The following GSN variants were observed in gnomAD, a reference collection of about 807,000 sequenced individuals.
GSN encodes actin-depolymerizing factor.
Under a neutral mutation model 85.7 loss-of-function variants are expected in GSN, and 56 were observed. The ratio of observed to expected loss-of-function variants is 0.65; its 90% CI spans 0.53 to 0.82. The LOEUF (loss-of-function observed/expected upper bound fraction) is 0.82, where lower values mean the gene tolerates loss of function less well. Among genes scored for constraint, GSN ranks in the 40% least tolerant of loss-of-function variants. GSN has a pLI of 0.00. For synonymous variants in GSN, 373 were observed against 399.1 expected, an observed-to-expected ratio of 0.93 and a Z score of 0.78; for missense variants, 857 against 979.8, an observed-to-expected ratio of 0.87 and a Z score of 1.67.
In GSN at chr9:121,289,402, T is replaced by A. The variant is rs113334376; in HGVS notation, c.-10+7840T>A. 6.4e-3 allele frequency among the ~76,000 whole-genome samples: 976 copies of A among 152,176 alleles called. 7 individuals carry two copies. The highest frequency in any genetic ancestry group is 0.011 in the Non-Finnish European group (757 of 67,994). ...TTGGCTGGGGTGAAAGCCGGGTAAT[T>A]TTCCTCTAAGCTGTCCTCCCTCCGC... On this transcript the variant is annotated intron_variant, in intron 2 of 17. Coordinates refer to ENST00000432226, the MANE Select transcript of GSN (RefSeq NM_198252.3).
intron 1 of GSN, among the ~76,000 whole-genome samples, chr9:121,269,635 T>C (rs1220536906): frequency 6.6e-6 from 1 of 152,204 alleles, no homozygotes; most frequent in Non-Finnish European, 1.5e-5. Flanking sequence ...TCCATTTTTC[T>C]TTCTGGGGCC....
intron 11 of GSN, 82 bp downstream of exon 11, chr9:121,321,483 A>T: frequency 7.1e-7 from 1 of 1,398,702 alleles, no homozygotes; most frequent in Non-Finnish European, 1.0e-6. Context: ...TGAGGGTGTG[A>T]GGGCCTGAGG....
Position 121,261,061 on chromosome 9 carries a change from G to A in GSN, c.-340-4093G>A, listed in dbSNP as rs935468848. Among the ~76,000 whole-genome samples the A allele has an allele frequency of 2.0e-5, 3 of 152,196 alleles. No individual in the cohort carries two copies. Among genetic ancestry groups the A allele is most frequent in the African/African-American group, 4.8e-5 (2 of 41,438 alleles). ...CAAGAAACAGCACAACATTTGAAAAGCCCATTGTTCGGTGTTGTGATAATA... is the reference window on the plus strand; with the variant it reads ...CAAGAAACAGCACAACATTTGAAAAACCCATTGTTCGGTGTTGTGATAATA... On this transcript the variant is annotated intron_variant, in intron 6 of 24. Coordinates refer to the GSN transcript ENST00000373823. The surrounding 1 kb of genome is among the most constrained non-coding windows in gnomAD (Gnocchi z 4.1).
At position 121,255,324 on chromosome 9, in the gene GSN, C is replaced by T. The variant is rs191396263; in HGVS notation, c.-341+7001C>T. Among the ~76,000 whole-genome samples, 5 of 152,332 alleles carry T rather than the reference C, an allele frequency of 3.3e-5. No homozygotes were observed. In the East Asian group the frequency reaches 9.6e-4, roughly 29 times the overall value. ...AGTGGCACAACAGTCACTGCATCCT[C>T]AACTTCCTGGGCTCAAGTGATCCTT... On this transcript the variant is annotated intron_variant, in intron 6 of 24. Transcript: ENST00000373823.
At chr9:121,201,929 AG>A in the GSN span, 1 of 153,214 alleles carries the variant, frequency 6.5e-6, no homozygotes, top group South Asian at 2.1e-4. Context: ...CCACAAAAGA[AG>A]GGGGAGAAGA....
intron 2 of GSN, chr9:121,283,744 C>T (rs1405610378): frequency 6.0e-6 from 1 of 166,998 alleles, no homozygotes; most frequent in Non-Finnish European, 1.5e-5. Flanking sequence ...AGGCTCTGAG[C>T]TGGGTGTTGA....
chr9:121,282,289 G>A, intron 2 of GSN: 1 of 600,988 alleles, frequency 1.7e-6, no homozygotes, highest in South Asian at 2.2e-5. Flanking sequence ...GATGCCAAAG[G>A]GCTTTGTGAC....
At chr9:121,301,579 T>C (rs2059845649) in intron 2 of GSN, among the ~76,000 whole-genome samples, 1 of 148,962 alleles carries the variant, frequency 6.7e-6, no homozygotes, top group African/African-American at 2.5e-5. Context: ...TGAGTCGAGA[T>C]TGCACCATTG....
chr9:121,289,978 C>T (rs926948594), intron 2 of GSN, among the ~76,000 whole-genome samples: 3 of 152,030 alleles, frequency 2.0e-5, no homozygotes, highest in Admixed American at 2.0e-4. Flanking sequence ...GTTATGATCC[C>T]AGGGAAAAGA....
intron 11 of GSN, among the ~76,000 whole-genome samples, chr9:121,323,697 G>A (rs771874452): frequency 2.6e-5 from 4 of 152,082 alleles, no homozygotes; most frequent in Admixed American, 6.6e-5. Context: ...CCTGATCTAG[G>A]ATCTAACCCA....
At chr9:121,290,673 G>A (rs2132872425) in intron 2 of GSN, among the ~76,000 whole-genome samples, 1 of 152,286 alleles carries the variant, frequency 6.6e-6, no homozygotes, top group South Asian at 2.1e-4. Flanking sequence ...TGGCACAAAA[G>A]TAATTGCAAT....
Position 121,324,656 on chromosome 9 carries a change from C to T in GSN, c.1416+12C>T. 1 of 1,366,984 alleles carries T rather than the reference C, an allele frequency of 7.3e-7. No homozygotes were observed. Among genetic ancestry groups the T allele is most frequent in the Non-Finnish European group, 1.0e-6 (1 of 982,512 alleles). The allele number at this position is 1,366,984 out of a possible 1,614,324, so 84.7% of individuals were successfully genotyped here. The stretch of plus-strand genomic sequence containing the variant: ...GTACCCCTGTCCAGGTGAGCCCAGC[C>T]CACCGCCTCTCTGGGCTGCAGCCTG... On this transcript the variant is annotated intron_variant, in intron 12 of 17. Transcript: ENST00000432226.
intron 2 of GSN, among the ~76,000 whole-genome samples, chr9:121,301,640 A>AT (rs2059866215): frequency 6.6e-6 from 1 of 151,200 alleles, no homozygotes; most frequent in Non-Finnish European, 1.5e-5. Flanking sequence ...AAAAAAAAAA[A>AT]AAAAGAAAAA....
chr9:121,332,463 A>G lies in GSN; in HGVS notation c.2056A>G (p.Asn686Asp), dbSNP rs375881478. Residue 686 changes from asparagine to aspartate, a missense_variant, in exon 18 of 18, where the codon AAT becomes GAT. Transcript: ENST00000432226. This position sits in a 1 kb window ranked among gnomAD's most constrained non-coding sequence, Gnocchi z 4.8. Reference sequence around the variant, plus strand: ...GCGGTACATCGAGACGGACCCAGCCAATCGGGATCGGCGGACGCCCATCAC... The same window carrying G: ...GCGGTACATCGAGACGGACCCAGCCGATCGGGATCGGCGGACGCCCATCAC... ...AKRYIETDPA[N>D]RDRRTPITVV... 6.2e-7 allele frequency: 1 copy of G among 1,614,052 alleles called. No individual in the cohort carries two copies. The highest frequency in any genetic ancestry group is 8.5e-7 in the Non-Finnish European group (1 of 1,180,018).
In GSN at chr9:121,225,954, G is replaced by T. The variant is rs184248620; in HGVS notation, c.-527-5211G>T. Reference sequence around the variant, plus strand: ...CAAGTAGCTGGGACTACCAGCACCTGCCACCATGCCTGGCTAAGTTTTGTA... The same window carrying T: ...CAAGTAGCTGGGACTACCAGCACCTTCCACCATGCCTGGCTAAGTTTTGTA... On this transcript the variant is annotated intron_variant, in intron 4 of 24. Transcript: ENST00000373823. Among the ~76,000 whole-genome samples the T allele has an allele frequency of 4.6e-4, 70 of 152,266 alleles. 1 individual carries two copies. In the South Asian group the frequency reaches 5.8e-3, roughly 13 times the overall value.
intron 11 of GSN, among the ~76,000 whole-genome samples, chr9:121,322,993 A>G (rs306765): frequency 0.85 from 129,054 of 151,910 alleles, 54,970 homozygotes; most frequent in East Asian, 0.99. Context: ...TCACCACCAC[A>G]CCCGGCTACT....
At chr9:121,319,792 T>C (rs1001074272) in intron 10 of GSN, among the ~76,000 whole-genome samples, 2 of 152,118 alleles carry the variant, frequency 1.3e-5, no homozygotes, top group Admixed American at 6.5e-5. Context: ...CTTGTTCTAA[T>C]ACTGTAGGGG....
rs1367109054 is a variant in GSN at position 121,301,967 on chromosome 9, A to G, written c.-5A>G. ...CTCTGCCCTGTCTCATCCCAGCCCA[A>G]CAGCATGGTGGTGGAACACCCCGAG... On this transcript the variant is annotated 5_prime_UTR_variant, in exon 3 of 18. Transcript: ENST00000432226. The G allele has an allele frequency of 8.7e-6, 14 of 1,614,058 alleles. No homozygotes were observed. Among genetic ancestry groups the G allele is most frequent in the East Asian group, 2.2e-5 (1 of 44,898 alleles).
At chr9:121,298,967 G>C (rs1342436822) in intron 2 of GSN, among the ~76,000 whole-genome samples, 5 of 152,158 alleles carry the variant, frequency 3.3e-5, no homozygotes, top group Non-Finnish European at 7.4e-5. Context: ...TCAATGAATA[G>C]TACCTAAAAT....
Sources: gnomAD v4.1 joint callset for allele counts (sites outside exome capture counted in the v4.1 genomes callset) on GRCh38, gnomAD v4.1.1 for gene constraint, Gnocchi (gnomAD v3.1) non-coding constraint, MANE v1.5 for transcripts, NCBI Gene and HGNC (gene_info 2026-07-23, HGNC 2026-07-21) for gene names.